The following PTPRD variants were observed in gnomAD, a reference collection of about 807,000 sequenced individuals.
PTPRD encodes the protein receptor-type tyrosine-protein phosphatase delta.
Under a neutral mutation model 214.5 loss-of-function variants are expected in PTPRD, and 34 were observed. The observed-to-expected ratio is 0.16, with a 90% CI of 0.12 to 0.21. The LOEUF (loss-of-function observed/expected upper bound fraction) is 0.21, where lower values mean the gene tolerates loss of function less well. Ranked by LOEUF, PTPRD falls within the 10% of genes least tolerant of loss-of-function variation. The pLI, the probability that PTPRD is intolerant of heterozygous loss-of-function variation, is 1.00. For missense variants in PTPRD, 2,545 were observed against 2,398.7 expected (o/e 1.06, Z -1.27); for synonymous variants, 1,128 against 845.7 (o/e 1.33, Z -5.79).
At chr9:8,474,897 T>A (rs749815501) in intron 30 of PTPRD, among the ~76,000 whole-genome samples, 1 of 152,212 alleles carries the variant, frequency 6.6e-6, no homozygotes, top group Non-Finnish European at 1.5e-5. Context: ...TTGTTTTCAA[T>A]CTTCTCACTT....
At chr9:9,167,625 C>T (rs1243071061) in intron 10 of PTPRD, among the ~76,000 whole-genome samples, 2 of 151,698 alleles carry the variant, frequency 1.3e-5, no homozygotes, top group Non-Finnish European at 1.5e-5. Context: ...TATGGTGGTG[C>T]GTGCCTGTAA....
intron 20 of PTPRD, among the ~76,000 whole-genome samples, chr9:8,520,490 G>C (rs1158105244): frequency 1.3e-5 from 2 of 152,038 alleles, no homozygotes; most frequent in East Asian, 3.9e-4. Flanking sequence ...ACATTGCCTA[G>C]GAAAAGAAGA....
intron 10 of PTPRD, among the ~76,000 whole-genome samples, chr9:9,030,731 G>A (rs2154376330): frequency 6.6e-6 from 1 of 151,866 alleles, no homozygotes; most frequent in East Asian, 2.0e-4. Context: ...TGTTGTTAGA[G>A]AGTGGAATCC....
intron 9 of PTPRD, among the ~76,000 whole-genome samples, chr9:9,340,946 A>G (rs2046554518): frequency 6.6e-6 from 1 of 152,150 alleles, no homozygotes; most frequent in Admixed American, 6.6e-5. Context: ...ACCTAAATAC[A>G]CAGACCTCTT....
chr9:9,447,781 G>A (rs1382898674), intron 8 of PTPRD, among the ~76,000 whole-genome samples: 1 of 152,086 alleles, frequency 6.6e-6, no homozygotes, highest in Non-Finnish European at 1.5e-5. Context: ...GAAATAGGCA[G>A]AATATGGAAG....
intron 5 of PTPRD, among the ~76,000 whole-genome samples, chr9:9,836,470 C>A (rs1175191349): frequency 6.6e-6 from 1 of 152,098 alleles, no homozygotes; most frequent in Non-Finnish European, 1.5e-5. Context: ...CTTTCTCTTA[C>A]CAAATCTCGC....
chr9:9,191,700 C>T (rs891399937), intron 9 of PTPRD, among the ~76,000 whole-genome samples: 23 of 151,952 alleles, frequency 1.5e-4, no homozygotes, highest in African/African-American at 5.6e-4. Context: ...ATATGGTGCA[C>T]TATGTGAACC....
At chr9:10,591,738 G>A (rs890794983) in intron 2 of PTPRD, among the ~76,000 whole-genome samples, 1 of 151,774 alleles carries the variant, frequency 6.6e-6, no homozygotes, top group African/African-American at 2.4e-5. Context: ...TGTGTGGACT[G>A]TGCTTAGTGA....
intron 3 of PTPRD, among the ~76,000 whole-genome samples, chr9:10,253,899 A>G: frequency 6.6e-6 from 1 of 152,240 alleles, no homozygotes; most frequent in East Asian, 1.9e-4. Flanking sequence ...ATGATGTAGA[A>G]TATCACTCTT....
chr9:9,140,813 C>T lies in PTPRD; in HGVS notation c.-143+42491G>A, dbSNP rs1168759842. Among the ~76,000 whole-genome samples the T allele has an allele frequency of 7.9e-5, 12 of 152,212 alleles. 1 individual carries two copies. The highest frequency in any genetic ancestry group is 2.9e-4 in the African/African-American group (12 of 41,556). On this transcript the variant is annotated intron_variant, in intron 10 of 45. Transcript: ENST00000381196. Reference sequence around the variant, plus strand: ...CAGGATGGTCTCGATCTCCTGACCTCGTGATCTGCCCGCCTCAGCCTCCCA... The same window carrying T: ...CAGGATGGTCTCGATCTCCTGACCTTGTGATCTGCCCGCCTCAGCCTCCCA...
At chr9:8,587,595 G>A (rs539208107) in intron 14 of PTPRD, among the ~76,000 whole-genome samples, 3 of 152,182 alleles carry the variant, frequency 2.0e-5, no homozygotes, top group African/African-American at 7.2e-5. Flanking sequence ...ATGGAAAGCT[G>A]AATTTGGAAA....
At chr9:9,068,888 G>T (rs186691755) in intron 10 of PTPRD, among the ~76,000 whole-genome samples, 1 of 152,126 alleles carries the variant, frequency 6.6e-6, no homozygotes, top group Middle Eastern at 3.2e-3. Flanking sequence ...TGGATTACAG[G>T]TGTGAGGCAC....
intron 9 of PTPRD, among the ~76,000 whole-genome samples, chr9:9,396,160 A>G (rs2067727744): frequency 6.6e-6 from 1 of 152,026 alleles, no homozygotes; most frequent in South Asian, 2.1e-4. Flanking sequence ...ATCTTAAGAT[A>G]ATCTTTGAAC....
At chr9:9,728,564 A>G (rs2098132126) in intron 7 of PTPRD, among the ~76,000 whole-genome samples, 1 of 152,164 alleles carries the variant, frequency 6.6e-6, no homozygotes, top group African/African-American at 2.4e-5. Flanking sequence ...AGGTAAAAAG[A>G]GCCAAAGACA....
intron 10 of PTPRD, among the ~76,000 whole-genome samples, chr9:9,025,259 G>T (rs74515725): frequency 6.6e-6 from 1 of 151,886 alleles, no homozygotes; most frequent in African/African-American, 2.4e-5. Context: ...GGCTTTACTG[G>T]TATGGCTAAG....
intron 8 of PTPRD, among the ~76,000 whole-genome samples, chr9:9,533,508 G>C (rs138279315): frequency 6.6e-6 from 1 of 151,708 alleles, no homozygotes; most frequent in Non-Finnish European, 1.5e-5. Flanking sequence ...TTCTTTTCAG[G>C]CTGTTTTAAA....
intron 5 of PTPRD, among the ~76,000 whole-genome samples, chr9:9,833,616 G>A (rs1038625412): frequency 1.0e-5 from 1 of 98,948 alleles, no homozygotes; most frequent in Non-Finnish European, 2.0e-5. Flanking sequence ...GCGTGGGAGT[G>A]CTATGGGAGA....
chr9:9,188,440 T>C (rs1337979695), intron 9 of PTPRD, among the ~76,000 whole-genome samples: 4 of 152,100 alleles, frequency 2.6e-5, no homozygotes, highest in African/African-American at 9.7e-5. Flanking sequence ...AATGCCAAAC[T>C]GTTTTCCAAA....
chr9:9,153,719 A>G (rs193067049), intron 10 of PTPRD, among the ~76,000 whole-genome samples: 1 of 152,296 alleles, frequency 6.6e-6, no homozygotes, highest in Non-Finnish European at 1.5e-5. Context: ...GCAAATTTCA[A>G]ATACACTTTT....
Sources: gnomAD v4.1 joint callset for allele counts (sites outside exome capture counted in the v4.1 genomes callset) on GRCh38, gnomAD v4.1.1 for gene constraint, MANE v1.5 for transcripts, NCBI Gene and HGNC (gene_info 2026-07-23, HGNC 2026-07-21) for gene names.